The following GRM7 variants were observed in gnomAD, a reference collection of about 807,000 sequenced individuals.
GRM7 encodes the protein metabotropic glutamate receptor 7.
Under a neutral mutation model 84.5 loss-of-function variants are expected in GRM7, and 35 were observed. The ratio of observed to expected loss-of-function variants is 0.41; its 90% CI spans 0.32 to 0.55. GRM7 has a LOEUF of 0.55. Among genes scored for constraint, GRM7 ranks in the 20% least tolerant of loss-of-function variants. GRM7 has a pLI of 0.19. For synonymous variants in GRM7, 487 were observed against 455.1 expected (o/e 1.07, Z -0.89); for missense variants, 1,003 against 1,194.6 (o/e 0.84, Z 2.36).
At chr3:7,602,041 T>C (rs1009094557) in intron 8 of GRM7, among the ~76,000 whole-genome samples, 5 of 144,080 alleles carry the variant, frequency 3.5e-5, no homozygotes, top group Non-Finnish European at 7.5e-5. Flanking sequence ...GCACAACAAC[T>C]TTTCAGGAAG....
At chr3:7,297,122 AT>A (rs144886733) in intron 2 of GRM7, among the ~76,000 whole-genome samples, 3,527 of 152,242 alleles carry the variant, frequency 0.023, 142 homozygotes, top group African/African-American at 0.08. Context: ...CTTTTTGAAT[AT>A]AAACATATAA....
intron 2 of GRM7, among the ~76,000 whole-genome samples, chr3:7,155,761 C>G (rs1694428149): frequency 6.6e-6 from 1 of 152,060 alleles, no homozygotes. Flanking sequence ...ATTGCAGTAG[C>G]ACTCTCAGTC....
chr3:7,411,773 A>G (rs781472888), intron 4 of GRM7, among the ~76,000 whole-genome samples: 7 of 152,170 alleles, frequency 4.6e-5, no homozygotes, highest in Non-Finnish European at 7.3e-5. Context: ...TTGAATGTAT[A>G]TTGTGGTACA....
At chr3:7,192,395 T>C (rs1020655071) in intron 2 of GRM7, among the ~76,000 whole-genome samples, 2 of 152,128 alleles carry the variant, frequency 1.3e-5, no homozygotes, top group Admixed American at 6.6e-5. Context: ...CTCCAAGATA[T>C]GTATTTTATC....
intron 2 of GRM7, among the ~76,000 whole-genome samples, chr3:7,286,205 A>C (rs1297222062): frequency 6.6e-6 from 1 of 152,166 alleles, no homozygotes; most frequent in African/African-American, 2.4e-5. Context: ...ACCCATATTC[A>C]TTGTTACAAG....
intron 7 of GRM7, among the ~76,000 whole-genome samples, chr3:7,535,846 G>T (rs1181061528): frequency 6.6e-6 from 1 of 152,134 alleles, no homozygotes; most frequent in Non-Finnish European, 1.5e-5. Flanking sequence ...ATGCACCTTG[G>T]CAGATACTTG....
chr3:7,042,068 A>G (rs377051383), intron 1 of GRM7, among the ~76,000 whole-genome samples: 7 of 152,272 alleles, frequency 4.6e-5, no homozygotes, highest in African/African-American at 1.4e-4. Context: ...ACCTCGCCCT[A>G]TGCATCTCTT....
At chr3:7,223,125 G>T (rs1373593792) in intron 2 of GRM7, among the ~76,000 whole-genome samples, 1 of 151,698 alleles carries the variant, frequency 6.6e-6, no homozygotes. Context: ...TTTTTTCCCT[G>T]TTAACCTTGC....
At chr3:7,229,377 CTTA>C (rs1191697442) in intron 2 of GRM7, among the ~76,000 whole-genome samples, 1 of 151,390 alleles carries the variant, frequency 6.6e-6, no homozygotes, top group African/African-American at 2.4e-5. Context: ...TTATTATTTC[CTTA>C]TTATAGCTGA....
intron 1 of GRM7, among the ~76,000 whole-genome samples, chr3:7,112,452 C>A (rs1258994306): frequency 2.0e-5 from 3 of 152,130 alleles, no homozygotes; most frequent in Non-Finnish European, 2.9e-5. Context: ...TCTCGATCTC[C>A]TGACCTTGTG....
At chr3:7,471,393 G>A (rs984967889) in intron 7 of GRM7, among the ~76,000 whole-genome samples, 2 of 152,068 alleles carry the variant, frequency 1.3e-5, no homozygotes, top group African/African-American at 4.8e-5. Context: ...CACGTTGCTG[G>A]AAAAATTTAG....
At chr3:7,153,096 G>T (rs1694336302) in intron 2 of GRM7, among the ~76,000 whole-genome samples, 2 of 147,216 alleles carry the variant, frequency 1.4e-5, no homozygotes, top group African/African-American at 2.5e-5. Flanking sequence ...TCTTTCAGAA[G>T]AAACTGCAGC....
At chr3:7,153,616 T>C (rs944598925) in intron 2 of GRM7, among the ~76,000 whole-genome samples, 2 of 152,168 alleles carry the variant, frequency 1.3e-5, no homozygotes, top group Non-Finnish European at 2.9e-5. Flanking sequence ...GTTTTTCTAA[T>C]TTGAATTTTC....
At chr3:7,350,700 T>C (rs1191387355) in intron 4 of GRM7, among the ~76,000 whole-genome samples, 1 of 152,180 alleles carries the variant, frequency 6.6e-6, no homozygotes, top group Non-Finnish European at 1.5e-5. Flanking sequence ...TATATTACTT[T>C]GGATCTTTTT....
intron 2 of GRM7, among the ~76,000 whole-genome samples, chr3:7,290,677 A>C (rs1258891372): frequency 6.6e-6 from 1 of 152,076 alleles, no homozygotes; most frequent in African/African-American, 2.4e-5. Context: ...CTTCCACCCC[A>C]ACCCCAGCAG....
chr3:7,730,213 G>A lies in GRM7; in HGVS notation c.2699-10144G>A, dbSNP rs139985700. 2.4e-3 allele frequency among the ~76,000 whole-genome samples: 364 copies of A among 151,658 alleles called. 3 individuals are homozygous for A. The East Asian group carries it at 0.029, about 12-fold the overall frequency. ...AGTAGATACAGGGTTTCACCATGTT[G>A]GCCAGGATGGTCTCAATCTCTTGAC... is the stretch of plus-strand genomic sequence containing the variant. On this transcript the variant is annotated intron_variant, in intron 9 of 9. Transcript: ENST00000357716.
At chr3:7,707,153 A>C (rs954028314) in intron 9 of GRM7, among the ~76,000 whole-genome samples, 12 of 152,146 alleles carry the variant, frequency 7.9e-5, no homozygotes, top group Non-Finnish European at 1.3e-4. Flanking sequence ...TAAGTTTTGC[A>C]CCTCTTAGAT....
rs545921495 is a variant in GRM7, at chr3:7,172,558, C to A, written c.736+25890C>A. On this transcript the variant is annotated intron_variant, in intron 2 of 9. Transcript: ENST00000357716. ...ATGTAGTCTTCCCCCCCGCCCCCCC[C>A]ACATATATCTATATATAAATATTAC... 6.9e-5 allele frequency among the ~76,000 whole-genome samples: 10 copies of A among 144,132 alleles called. No homozygotes were observed. The East Asian group carries it at 2.0e-3, about 29-fold the overall frequency. 94.6% of individuals were successfully genotyped at this position (144,132 alleles called of 152,430 possible). A position where few individuals can be genotyped will look rare whatever the true frequency, so the allele number is the denominator to read the frequency against.
chr3:7,171,415 A>C (rs566528645), intron 2 of GRM7, among the ~76,000 whole-genome samples: 39 of 152,318 alleles, frequency 2.6e-4, no homozygotes, highest in Admixed American at 1.4e-3. Flanking sequence ...AAATAAGATC[A>C]CATTCTGAGA....
Sources: gnomAD v4.1 joint callset for allele counts (sites outside exome capture counted in the v4.1 genomes callset) on GRCh38, gnomAD v4.1.1 for gene constraint, MANE v1.5 for transcripts, NCBI Gene and HGNC (gene_info 2026-07-23, HGNC 2026-07-21) for gene names.